Variants in KDM4C observed in about 807,000 individuals in gnomAD.
The protein encoded by KDM4C is lysine demethylase 4C, also known as lysine-specific demethylase 4C.
Under a neutral mutation model 129.3 loss-of-function variants are expected in KDM4C, and 81 were observed. The ratio of observed to expected loss-of-function variants is 0.63; its 90% CI spans 0.52 to 0.75. KDM4C has a LOEUF of 0.75. Ranked by LOEUF, KDM4C falls within the 30% of genes least tolerant of loss-of-function variation. The probability of loss-of-function intolerance (pLI) is 0.00; values close to 1 mark genes in which losing one functional copy is unlikely to be tolerated. For missense variants in KDM4C, 1,457 were observed against 1,304.0 expected, an observed-to-expected ratio of 1.12 and a Z score of -1.81; for synonymous variants, 573 against 456.1, an observed-to-expected ratio of 1.26 and a Z score of -3.26.
At chr9:7,044,456 C>G (rs1829082877) in intron 15 of KDM4C, among the ~76,000 whole-genome samples, 1 of 151,710 alleles carries the variant, frequency 6.6e-6, no homozygotes, top group Non-Finnish European at 1.5e-5. Flanking sequence ...TAGTTTAGGT[C>G]TGGTGAAGGA....
intron 15 of KDM4C, among the ~76,000 whole-genome samples, chr9:7,044,563 G>T (rs1397586262): frequency 6.6e-6 from 1 of 151,914 alleles, no homozygotes; most frequent in Non-Finnish European, 1.5e-5. Flanking sequence ...TGGATCTAAA[G>T]GATGAGAGGA....
chr9:6,919,269 T>TTCTTTC (rs1563812440), intron 8 of KDM4C, among the ~76,000 whole-genome samples: 1 of 147,262 alleles, frequency 6.8e-6, no homozygotes, highest in African/African-American at 2.6e-5. Flanking sequence ...CTTTCTTTCT[T>TTCTTTC]TCTGTCTCTC....
intron 8 of KDM4C, among the ~76,000 whole-genome samples, chr9:6,916,307 C>T (rs1249968686): frequency 6.6e-6 from 1 of 151,048 alleles, no homozygotes; most frequent in Non-Finnish European, 1.5e-5. Context: ...ATATAAACTT[C>T]TGAAGGACAG....
chr9:7,050,273 A>C (rs1759649899), intron 17 of KDM4C, among the ~76,000 whole-genome samples: 1 of 151,840 alleles, frequency 6.6e-6, no homozygotes, highest in Non-Finnish European at 1.5e-5. Flanking sequence ...TGGGCTTAGG[A>C]TGCTCAGCAT....
At chr9:6,948,913 T>G (rs1333605783) in intron 8 of KDM4C, among the ~76,000 whole-genome samples, 2 of 152,170 alleles carry the variant, frequency 1.3e-5, no homozygotes, top group Admixed American at 1.3e-4. Flanking sequence ...CAATCTGATT[T>G]CTCTATCTTT....
At chr9:6,923,750 G>A (rs1268155385) in intron 8 of KDM4C, among the ~76,000 whole-genome samples, 1 of 152,166 alleles carries the variant, frequency 6.6e-6, no homozygotes. Flanking sequence ...ATGTATGTGT[G>A]TTGTCATTAT....
At chr9:6,783,594 A>G (rs1013350487) in intron 1 of KDM4C, among the ~76,000 whole-genome samples, 19 of 152,162 alleles carry the variant, frequency 1.2e-4, no homozygotes, top group Admixed American at 9.8e-4. Context: ...GCAGCATACC[A>G]ATAGTGGAGG....
intron 4 of KDM4C, among the ~76,000 whole-genome samples, chr9:6,843,501 GA>G (rs1837341732): frequency 6.6e-6 from 1 of 152,164 alleles, no homozygotes; most frequent in Non-Finnish European, 1.5e-5. Context: ...GTATTTTCTT[GA>G]AAACAGTTTC....
intron 4 of KDM4C, among the ~76,000 whole-genome samples, chr9:6,843,972 C>T (rs889412270): frequency 2.0e-5 from 3 of 152,070 alleles, no homozygotes; most frequent in African/African-American, 7.2e-5. Context: ...TAGCTGGGAC[C>T]TGTGGCATGT....
At chr9:6,778,781 G>T (rs967955935) in intron 1 of KDM4C, among the ~76,000 whole-genome samples, 19 of 149,344 alleles carry the variant, frequency 1.3e-4, no homozygotes, top group Non-Finnish European at 2.4e-4. Context: ...TGTTACATTT[G>T]TGAGATTCGT....
chr9:6,757,988 C>G lies in KDM4C; in HGVS notation c.-233C>G. 2.0e-6 allele frequency: 2 copies of G among 985,378 alleles called. No individual in the cohort carries two copies. The highest frequency in any genetic ancestry group is 2.4e-6 in the Non-Finnish European group (2 of 829,906). 61.0% of individuals were successfully genotyped at this position (985,378 alleles called of 1,614,324 possible). A position where few individuals can be genotyped will look rare whatever the true frequency, so the allele number is the denominator to read the frequency against. On this transcript the variant is annotated 5_prime_UTR_variant, in exon 1 of 22. Transcript: ENST00000381309. ...TCGCGCAGGGAGAGCCGGCGGTGCG[C>G]GCGCCTTCGCCGCTGCCTCCCACCC... is the stretch of plus-strand genomic sequence containing the variant.
chr9:6,762,447 C>G (rs569826112), intron 1 of KDM4C, among the ~76,000 whole-genome samples: 1 of 152,042 alleles, frequency 6.6e-6, no homozygotes, highest in African/African-American at 2.4e-5. Flanking sequence ...TCTGGGATTA[C>G]AGGTGTGAGC....
At position 7,054,081 on chromosome 9, in the gene KDM4C, C is replaced by G. The variant is rs543929527; in HGVS notation, c.2424+4881C>G. On this transcript the variant is annotated intron_variant, in intron 17 of 21. Coordinates refer to ENST00000381309, the MANE Select transcript of KDM4C (RefSeq NM_015061.6). Reference sequence around the variant, plus strand: ...GGGAAAAGTTATCCTTGTGGCAAGTCCTATTACTGCAAACCCCTTCCCTGT... The same window carrying G: ...GGGAAAAGTTATCCTTGTGGCAAGTGCTATTACTGCAAACCCCTTCCCTGT... Among the ~76,000 whole-genome samples, 3 of 152,314 alleles carry G rather than the reference C, an allele frequency of 2.0e-5. No homozygotes were observed. The South Asian group carries it at 6.2e-4, about 32-fold the overall frequency.
intron 8 of KDM4C, among the ~76,000 whole-genome samples, chr9:6,934,106 G>C (rs1236286669): frequency 2.0e-5 from 3 of 151,952 alleles, no homozygotes; most frequent in African/African-American, 7.2e-5. Flanking sequence ...GCCTGCCTCA[G>C]CCTCCCAAAG....
chr9:6,812,588 C>T lies in KDM4C; in HGVS notation c.321-2043C>T, dbSNP rs193053980. On this transcript the variant is annotated intron_variant, in intron 3 of 21. Coordinates refer to ENST00000381309, the MANE Select transcript of KDM4C (RefSeq NM_015061.6). ...CACAGTTCACAACAGGGTTCATACT[C>T]CTATGAGAATCTAATGCCACTGATC... Among the ~76,000 whole-genome samples, 80 of 152,260 alleles carry T rather than the reference C, an allele frequency of 5.3e-4. 1 individual carries two copies. In the East Asian group the frequency reaches 0.013, roughly 24 times the overall value.
intron 2 of KDM4C, among the ~76,000 whole-genome samples, chr9:6,793,405 A>G (rs1460813257): frequency 2.6e-5 from 4 of 152,052 alleles, no homozygotes; most frequent in Non-Finnish European, 5.9e-5. Flanking sequence ...AGATCCATGT[A>G]TGGGTTTCAG....
chr9:6,856,539 C>CATGTGT (rs1554721070), intron 5 of KDM4C, among the ~76,000 whole-genome samples: 1 of 131,546 alleles, frequency 7.6e-6, no homozygotes, highest in Non-Finnish European at 1.6e-5. Context: ...TCTCTGTGTG[C>CATGTGT]GTGTGTGTGT....
chr9:7,011,823 G>T lies in KDM4C; in HGVS notation c.1912G>T (p.Val638Leu). ...FAAEQEYNAT[V>L]ARMKPHCAIC... ...AGCTGAGCAAGAGTATAATGCAACAGTGGCCAGGATGAAGCCACACTGTGC... is the reference window on the plus strand; with the variant it reads ...AGCTGAGCAAGAGTATAATGCAACATTGGCCAGGATGAAGCCACACTGTGC... The change falls in exon 13 of 22, where the codon GTG becomes TTG. Residue 638 changes from valine (V) to leucine (L), a missense_variant. Coordinates refer to ENST00000381309, the MANE Select transcript of KDM4C (RefSeq NM_015061.6). The T allele has an allele frequency of 6.2e-7, 1 of 1,614,144 alleles. No homozygotes were observed. The highest frequency in any genetic ancestry group is 8.5e-7 in the Non-Finnish European group (1 of 1,180,008).
chr9:7,066,099 T>G (rs890946157), intron 17 of KDM4C, among the ~76,000 whole-genome samples: 4 of 152,186 alleles, frequency 2.6e-5, no homozygotes, highest in African/African-American at 9.7e-5. Context: ...CAGTTGGGGA[T>G]TCCAGCTTGT....
Sources: allele counts gnomAD v4.1 joint callset (sites outside exome capture counted in the v4.1 genomes callset), GRCh38; gene constraint gnomAD v4.1.1; transcripts MANE v1.5; gene names NCBI Gene and HGNC (gene_info 2026-07-23, HGNC 2026-07-21).